MCC: variants seen among roughly 807,000 people sequenced by gnomAD.
MCC encodes the protein MCC regulator of Wnt signaling pathway.
MCC carries 90 observed loss-of-function variants against 116.2 expected under a neutral mutation model. The ratio of observed to expected loss-of-function variants is 0.77; its 90% confidence interval spans 0.65 to 0.92. The LOEUF is 0.92. Ranked by LOEUF, MCC falls within the 40% of genes least tolerant of loss-of-function variation. MCC has a pLI of 0.00. For synonymous variants in MCC, 578 were observed against 510.5 expected, an observed-to-expected ratio of 1.13 and a Z score of -1.78; for missense variants, 1,516 against 1,312.2, an observed-to-expected ratio of 1.16 and a Z score of -2.40.
At chr5:113,222,979 C>G (rs1384380905) in intron 3 of MCC, among the ~76,000 whole-genome samples, 3 of 152,242 alleles carry the variant, frequency 2.0e-5, no homozygotes, top group Non-Finnish European at 2.9e-5. Context: ...CATTGCAACT[C>G]AGCACCTAGG....
chr5:113,401,591 T>G (rs1241698273), intron 1 of MCC, among the ~76,000 whole-genome samples: 5 of 152,168 alleles, frequency 3.3e-5, no homozygotes, highest in Non-Finnish European at 7.3e-5. Context: ...CCTGTATGTC[T>G]GACCTCCGAA....
At chr5:113,174,073 C>A (rs1430463236) in intron 3 of MCC, among the ~76,000 whole-genome samples, 1 of 152,114 alleles carries the variant, frequency 6.6e-6, no homozygotes, top group Non-Finnish European at 1.5e-5. Flanking sequence ...AGAAATGTGT[C>A]TAGAATGAGG....
At chr5:113,392,592 G>A (rs1264278761) in intron 1 of MCC, among the ~76,000 whole-genome samples, 1 of 151,874 alleles carries the variant, frequency 6.6e-6, no homozygotes, top group Non-Finnish European at 1.5e-5. Context: ...AGAAATTTAT[G>A]CATAAATGGA....
chr5:113,049,605 C>T (rs1194182498), intron 15 of MCC, among the ~76,000 whole-genome samples: 2 of 152,216 alleles, frequency 1.3e-5, no homozygotes, highest in Non-Finnish European at 2.9e-5. Flanking sequence ...ACAAATAGAG[C>T]CCCCACTCAG....
chr5:113,306,137 T>C (rs1766979073), intron 3 of MCC, among the ~76,000 whole-genome samples: 1 of 152,238 alleles, frequency 6.6e-6, no homozygotes, highest in African/African-American at 2.4e-5. Context: ...TACCATATTT[T>C]GTTTATCCGT....
At chr5:113,452,297 G>A (rs1771424268) in intron 1 of MCC, among the ~76,000 whole-genome samples, 1 of 152,160 alleles carries the variant, frequency 6.6e-6, no homozygotes, top group Non-Finnish European at 1.5e-5. Flanking sequence ...AGAATTGTGG[G>A]CAGCTATATG....
At chr5:113,194,150 G>A (rs762149126) in intron 3 of MCC, among the ~76,000 whole-genome samples, 31 of 151,860 alleles carry the variant, frequency 2.0e-4, no homozygotes, top group African/African-American at 7.2e-4. Context: ...TGTGATTGGC[G>A]GAAAACAAAA....
intron 3 of MCC, among the ~76,000 whole-genome samples, chr5:113,271,423 AAAG>A (rs546331591): frequency 2.2e-3 from 332 of 152,342 alleles, no homozygotes; most frequent in Non-Finnish European, 4.1e-3. Flanking sequence ...TAATGAAGAA[AAAG>A]AAGAAGGTTC....
At chr5:113,460,316 G>A (rs190666391) in intron 1 of MCC, among the ~76,000 whole-genome samples, 27 of 152,342 alleles carry the variant, frequency 1.8e-4, no homozygotes, top group African/African-American at 5.5e-4. Flanking sequence ...CACCTTTTCG[G>A]TGGGGATTTC....
intron 3 of MCC, among the ~76,000 whole-genome samples, chr5:113,168,379 G>T (rs889312333): frequency 2.6e-5 from 4 of 152,148 alleles, no homozygotes; most frequent in African/African-American, 4.8e-5. Flanking sequence ...ACATGATTCA[G>T]TTCTTTGAAA....
intron 3 of MCC, among the ~76,000 whole-genome samples, chr5:113,338,813 GT>G (rs1767933565): frequency 6.6e-6 from 1 of 152,200 alleles, no homozygotes; most frequent in African/African-American, 2.4e-5. Flanking sequence ...GATTAGGATA[GT>G]TAGAGTTCTA....
intron 3 of MCC, among the ~76,000 whole-genome samples, chr5:113,195,030 T>C (rs2150315542): frequency 6.6e-6 from 1 of 152,298 alleles, no homozygotes; most frequent in South Asian, 2.1e-4. Flanking sequence ...CCCAGAAGCA[T>C]CCATGCCCAT....
At chr5:113,099,977 T>C (rs1581057419) in intron 8 of MCC, among the ~76,000 whole-genome samples, 1 of 152,124 alleles carries the variant, frequency 6.6e-6, no homozygotes, top group African/African-American at 2.4e-5. Context: ...ACCCAGGAAA[T>C]TACAGGTGGC....
intron 2 of MCC, among the ~76,000 whole-genome samples, chr5:113,383,146 C>A (rs188372298): frequency 2.0e-5 from 3 of 151,810 alleles, no homozygotes; most frequent in African/African-American, 7.2e-5. Context: ...AATTTTTTTT[C>A]ACAAAAAATT....
At chr5:113,487,572 C>G (rs892376584) in intron 1 of MCC, among the ~76,000 whole-genome samples, 3 of 152,152 alleles carry the variant, frequency 2.0e-5, no homozygotes, top group African/African-American at 4.8e-5. Flanking sequence ...CGGAGGCGCC[C>G]GGAGCCACGC....
chr5:113,119,455 G>A (rs1009396396), intron 6 of MCC, among the ~76,000 whole-genome samples: 13 of 152,210 alleles, frequency 8.5e-5, no homozygotes, highest in Non-Finnish European at 1.3e-4. Flanking sequence ...CCCCGGGCAG[G>A]AGAAGCAGCT....
chr5:113,040,993 G>A (rs1254936151), intron 17 of MCC, among the ~76,000 whole-genome samples: 2 of 152,142 alleles, frequency 1.3e-5, no homozygotes, highest in Non-Finnish European at 2.9e-5. Flanking sequence ...ATAGCGAGTG[G>A]GATTTCCATC....
At chr5:113,069,709 G>A (rs962837375) in intron 12 of MCC, among the ~76,000 whole-genome samples, 10 of 152,118 alleles carry the variant, frequency 6.6e-5, no homozygotes, top group Non-Finnish European at 1.3e-4. Flanking sequence ...AGCCTCCTGA[G>A]TAGCTGGGAC....
At chr5:113,445,122 C>T (rs943766829) in intron 1 of MCC, among the ~76,000 whole-genome samples, 9 of 152,106 alleles carry the variant, frequency 5.9e-5, no homozygotes, top group Non-Finnish European at 1.3e-4. Flanking sequence ...CATTTTCCAT[C>T]CTCAGTTTCC....
Sources: gnomAD v4.1 joint callset for allele counts (sites outside exome capture counted in the v4.1 genomes callset) on GRCh38, gnomAD v4.1.1 for gene constraint, MANE v1.5 for transcripts, NCBI Gene and HGNC (gene_info 2026-07-23, HGNC 2026-07-21) for gene names.